Variants in NRG1 observed in about 807,000 individuals in gnomAD.
The protein encoded by NRG1 is neuregulin 1, also known as pro-neuregulin-1, membrane-bound isoform.
Under a neutral mutation model 63.8 loss-of-function variants are expected in NRG1, and 18 were observed. That is an observed-to-expected ratio of 0.28 (90% CI 0.19 to 0.42). The LOEUF (loss-of-function observed/expected upper bound fraction) is 0.42. Among genes scored for constraint, NRG1 ranks in the 10% least tolerant of loss-of-function variants. NRG1 has a pLI of 1.00. For missense variants in NRG1, 762 were observed against 814.7 expected, an observed-to-expected ratio of 0.94 and a Z score of 0.79; for synonymous variants, 302 against 301.3, an observed-to-expected ratio of 1.00 and a Z score of -0.02.
exon 12 of NRG1, chr8:32,764,758 A>G (rs1188779103): frequency 1.2e-5 from 2 of 168,640 alleles, no homozygotes; most frequent in African/African-American, 2.4e-5. Context: ...TGGATGTATG[A>G]TTTGCAAGAC....
intron 1 of NRG1, among the ~76,000 whole-genome samples, chr8:31,685,665 C>T (rs1304785692): frequency 6.6e-6 from 1 of 152,152 alleles, no homozygotes; most frequent in African/African-American, 2.4e-5. Flanking sequence ...TCCCCATCCC[C>T]CATGTAGTTC....
intron 1 of NRG1, among the ~76,000 whole-genome samples, chr8:31,817,565 T>C (rs1339038300): frequency 6.6e-6 from 1 of 152,244 alleles, no homozygotes; most frequent in Non-Finnish European, 1.5e-5. Flanking sequence ...AAAATCTTTA[T>C]ATTTGCATTT....
intron 1 of NRG1, among the ~76,000 whole-genome samples, chr8:32,040,581 G>A (rs1329332409): frequency 2.4e-5 from 2 of 84,868 alleles, no homozygotes; most frequent in Non-Finnish European, 5.2e-5. Flanking sequence ...TTGTCTGGTT[G>A]TGTGTGTGTG....
At chr8:32,701,886 T>A (rs149189703) in intron 5 of NRG1, among the ~76,000 whole-genome samples, 1 of 152,170 alleles carries the variant, frequency 6.6e-6, no homozygotes, top group Non-Finnish European at 1.5e-5. Context: ...CATTTGAAAG[T>A]CCATAAACTG....
chr8:32,081,076 AT>A (rs1827392080), intron 1 of NRG1, among the ~76,000 whole-genome samples: 1 of 152,114 alleles, frequency 6.6e-6, no homozygotes, highest in Non-Finnish European at 1.5e-5. Context: ...AAGTTCATTG[AT>A]TTAAATGTAA....
intron 1 of NRG1, among the ~76,000 whole-genome samples, chr8:32,278,300 G>A (rs1852326197): frequency 6.6e-6 from 1 of 152,106 alleles, no homozygotes; most frequent in African/African-American, 2.4e-5. Flanking sequence ...GAATAAGTAA[G>A]TGAAAAATAG....
intron 1 of NRG1, among the ~76,000 whole-genome samples, chr8:32,403,094 T>C (rs1277289310): frequency 6.8e-6 from 1 of 146,530 alleles, no homozygotes; most frequent in African/African-American, 2.5e-5. Flanking sequence ...AGGTCAGGAG[T>C]TCAAGACCAG....
chr8:32,003,247 AAAG>A (rs1285975900), intron 1 of NRG1, among the ~76,000 whole-genome samples: 3 of 152,106 alleles, frequency 2.0e-5, no homozygotes, highest in Non-Finnish European at 4.4e-5. Flanking sequence ...AAATGACTAA[AAAG>A]AAGATTAAAG....
intron 1 of NRG1, among the ~76,000 whole-genome samples, chr8:31,714,311 A>C (rs566501933): frequency 6.6e-6 from 1 of 152,044 alleles, no homozygotes; most frequent in South Asian, 2.1e-4. Context: ...TTTTGGGATA[A>C]TTTTATTTAT....
intron 1 of NRG1, among the ~76,000 whole-genome samples, chr8:31,958,828 T>C (rs1804925038): frequency 6.6e-6 from 1 of 152,198 alleles, no homozygotes; most frequent in African/African-American, 2.4e-5. Flanking sequence ...AATTCATTCA[T>C]CAGGAGTCCT....
intron 5 of NRG1, among the ~76,000 whole-genome samples, chr8:32,641,672 C>T (rs1237233051): frequency 6.6e-6 from 1 of 152,152 alleles, no homozygotes. Context: ...AATTGCTCAT[C>T]GTGTTACAGA....
rs1334033870 is a variant in NRG1 at position 32,361,637 on chromosome 8, T to C, written c.38-234191T>C. 2.6e-5 allele frequency among the ~76,000 whole-genome samples: 4 copies of C among 152,168 alleles called. No homozygotes were observed. The East Asian group carries it at 7.7e-4, about 29-fold the overall frequency. Reference sequence around the variant, plus strand: ...AGATCAGTTTTACATACTTGGGTACTTCCCCTTGGTGATTCAAGAGGAGGC... The same window carrying C: ...AGATCAGTTTTACATACTTGGGTACCTCCCCTTGGTGATTCAAGAGGAGGC... On this transcript the variant is annotated intron_variant, in intron 1 of 10. Transcript: ENST00000519301.
intron 1 of NRG1, among the ~76,000 whole-genome samples, chr8:32,382,408 A>G (rs1336748545): frequency 6.6e-6 from 1 of 152,172 alleles, no homozygotes; most frequent in East Asian, 1.9e-4. Context: ...TGCCTTTTGT[A>G]GCTATGGAGC....
At chr8:31,932,082 C>T (rs1270143158) in intron 1 of NRG1, among the ~76,000 whole-genome samples, 1 of 151,736 alleles carries the variant, frequency 6.6e-6, no homozygotes, top group Non-Finnish European at 1.5e-5. Flanking sequence ...CTCCTTTCCC[C>T]CCAACAGCCC....
intron 1 of NRG1, among the ~76,000 whole-genome samples, chr8:31,762,750 T>A (rs1002324677): frequency 6.6e-6 from 1 of 152,228 alleles, no homozygotes; most frequent in Non-Finnish European, 1.5e-5. Context: ...GATAGCTTCA[T>A]TAATTCTCTA....
At chr8:32,015,649 T>C (rs1815403282) in intron 1 of NRG1, among the ~76,000 whole-genome samples, 1 of 152,084 alleles carries the variant, frequency 6.6e-6, no homozygotes, top group Non-Finnish European at 1.5e-5. Context: ...AGATGTCAAA[T>C]CAAATCTTAT....
chr8:31,813,516 C>CTTTTCTTTTCTTTTCTTT lies in NRG1; in HGVS notation c.37+174089_37+174090insCTTTTCTTTTCTTTTTTT. On this transcript the variant is annotated intron_variant, in intron 1 of 10. Coordinates refer to the NRG1 transcript ENST00000519301. ...ATTTTCTTTTCTTTTCTTTTCTTTT[C>CTTTTCTTTTCTTTTCTTT]TTTTTTTTTTTTTTTTTGTTTTTTG... Among the ~76,000 whole-genome samples the CTTTTCTTTTCTTTTCTTT allele has an allele frequency of 1.8e-3, 181 of 101,216 alleles. 1 individual carries two copies. The highest frequency in any genetic ancestry group is 3.2e-3 in the East Asian group (9 of 2,780). 66.4% of individuals were successfully genotyped at this position (101,216 alleles called of 152,430 possible). A position where few individuals can be genotyped will look rare whatever the true frequency, so the allele number is the denominator to read the frequency against.
intron 1 of NRG1, among the ~76,000 whole-genome samples, chr8:32,166,178 C>T (rs543087967): frequency 8.5e-5 from 13 of 152,220 alleles, no homozygotes; most frequent in Non-Finnish European, 1.9e-4. Flanking sequence ...ATTTTATTTG[C>T]TATACCCTTG....
chr8:31,655,009 T>A (rs1805290720), intron 1 of NRG1, among the ~76,000 whole-genome samples: 1 of 152,178 alleles, frequency 6.6e-6, no homozygotes, highest in Non-Finnish European at 1.5e-5. Context: ...CAAATCCCAT[T>A]CCTTTCCCCT....
Sources: gnomAD v4.1 joint callset for allele counts (sites outside exome capture counted in the v4.1 genomes callset) on GRCh38, gnomAD v4.1.1 for gene constraint, MANE v1.5 for transcripts, NCBI Gene and HGNC (gene_info 2026-07-23, HGNC 2026-07-21) for gene names.